Variants in TOX observed in about 807,000 individuals in gnomAD.
The protein encoded by TOX is thymocyte selection-associated high mobility group box protein TOX.
In TOX, 11 loss-of-function variants were observed where a neutral mutation model predicts 53.7. That is an observed-to-expected ratio of 0.20 (90% CI 0.13 to 0.34). The LOEUF (loss-of-function observed/expected upper bound fraction) is 0.34, where lower values mean the gene tolerates loss of function less well. TOX is among the 10% of genes least tolerant of loss of function. The pLI, the probability that TOX is intolerant of heterozygous loss-of-function variation, is 1.00. For synonymous variants in TOX, 225 were observed against 245.3 expected (o/e 0.92, Z 0.77); for missense variants, 570 against 664.6 (o/e 0.86, Z 1.56).
intron 1 of TOX, among the ~76,000 whole-genome samples, chr8:58,985,615 A>C (rs1032388923): frequency 1.2e-4 from 18 of 152,228 alleles, no homozygotes; most frequent in Admixed American, 4.6e-4. Flanking sequence ...TTGCACACTT[A>C]AAGTGGTTAG....
intron 3 of TOX, among the ~76,000 whole-genome samples, chr8:58,887,073 A>C (rs966513429): frequency 1.3e-5 from 2 of 151,942 alleles, no homozygotes; most frequent in Non-Finnish European, 2.9e-5. Flanking sequence ...TGAGTGTGGA[A>C]TTTTGTCAGA....
At chr8:58,921,208 T>C (rs1405211178) in intron 3 of TOX, among the ~76,000 whole-genome samples, 1 of 152,240 alleles carries the variant, frequency 6.6e-6, no homozygotes, top group African/African-American at 2.4e-5. Flanking sequence ...ATTTCATTCA[T>C]TAAAAGTTGT....
intron 1 of TOX, among the ~76,000 whole-genome samples, chr8:59,019,143 CT>C (rs1364540229): frequency 6.6e-6 from 1 of 152,104 alleles, no homozygotes; most frequent in Non-Finnish European, 1.5e-5. Context: ...TTCGTTAATA[CT>C]CAACATTCAT....
chr8:58,946,460 A>T (rs1323070304), intron 2 of TOX, among the ~76,000 whole-genome samples: 1 of 152,130 alleles, frequency 6.6e-6, no homozygotes, highest in Non-Finnish European at 1.5e-5. Flanking sequence ...TGGGACTATA[A>T]TGTATTACTG....
chr8:58,847,721 A>G (rs1416146718), intron 4 of TOX, among the ~76,000 whole-genome samples: 1 of 152,146 alleles, frequency 6.6e-6, no homozygotes, highest in Non-Finnish European at 1.5e-5. Flanking sequence ...GCTGCAGGAC[A>G]CCAAAGACAA....
intron 3 of TOX, among the ~76,000 whole-genome samples, chr8:58,891,799 T>C (rs77252221): frequency 0.057 from 8,712 of 152,242 alleles, 310 homozygotes; most frequent in South Asian, 0.091. Flanking sequence ...TCATGTGAGA[T>C]TCATCCTAGA....
chr8:59,049,753 C>T (rs1463299203), intron 1 of TOX, among the ~76,000 whole-genome samples: 1 of 152,246 alleles, frequency 6.6e-6, no homozygotes, highest in African/African-American at 2.4e-5. Flanking sequence ...GCTACTGATA[C>T]CTTTATGAAC....
At chr8:58,944,124 C>T (rs763608377) in intron 2 of TOX, among the ~76,000 whole-genome samples, 2 of 152,178 alleles carry the variant, frequency 1.3e-5, no homozygotes, top group Admixed American at 6.5e-5. Context: ...ACAAGAGAGT[C>T]GCGAGGTGTT....
chr8:59,071,720 C>G (rs1168568011), intron 1 of TOX, among the ~76,000 whole-genome samples: 2 of 152,108 alleles, frequency 1.3e-5, no homozygotes, highest in African/African-American at 2.4e-5. Flanking sequence ...TAGATTTTGA[C>G]TGAATGTGAC....
At chr8:58,883,998 T>C (rs62505129) in intron 3 of TOX, among the ~76,000 whole-genome samples, 6,107 of 152,198 alleles carry the variant, frequency 0.04, 164 homozygotes, top group Non-Finnish European at 0.061. Context: ...GTCAAATGTC[T>C]GACACTGAAC....
intron 1 of TOX, among the ~76,000 whole-genome samples, chr8:59,004,146 A>G (rs1813745012): frequency 6.6e-6 from 1 of 152,236 alleles, no homozygotes. Flanking sequence ...CCTGTAAATC[A>G]TCAAAGAGAA....
At chr8:58,945,087 G>A (rs1490953047) in intron 2 of TOX, among the ~76,000 whole-genome samples, 1 of 152,214 alleles carries the variant, frequency 6.6e-6, no homozygotes, top group Non-Finnish European at 1.5e-5. Flanking sequence ...ATTACTGCAT[G>A]TGCAGAGGCC....
At chr8:58,898,242 TAATC>T (rs1274183850) in intron 3 of TOX, among the ~76,000 whole-genome samples, 2 of 152,226 alleles carry the variant, frequency 1.3e-5, no homozygotes, top group Non-Finnish European at 2.9e-5. Flanking sequence ...AACTCATTGT[TAATC>T]AAATCAGTCA....
At chr8:59,029,175 A>G (rs1039522742) in intron 1 of TOX, among the ~76,000 whole-genome samples, 1 of 151,796 alleles carries the variant, frequency 6.6e-6, no homozygotes, top group Admixed American at 6.6e-5. Flanking sequence ...TTTCCTATAC[A>G]CTCTCATTTA....
intron 1 of TOX, among the ~76,000 whole-genome samples, chr8:59,040,057 C>T (rs1339724387): frequency 6.6e-6 from 1 of 152,148 alleles, no homozygotes; most frequent in South Asian, 2.1e-4. Flanking sequence ...CGGCCGGGCG[C>T]GGCGGCTCAC....
chr8:58,991,809 G>A (rs1188966933), intron 1 of TOX: 2 of 152,392 alleles, frequency 1.3e-5, no homozygotes, highest in Non-Finnish European at 2.9e-5. Flanking sequence ...ACATGTTGAT[G>A]TTACAAACAC....
intron 7 of TOX, among the ~76,000 whole-genome samples, chr8:58,809,006 T>C (rs1430317800): frequency 1.3e-5 from 2 of 152,240 alleles, no homozygotes; most frequent in African/African-American, 4.8e-5. Context: ...GGTGAAGTGT[T>C]GACTTTTAAT....
chr8:58,931,233 C>T (rs1812248443), intron 3 of TOX, among the ~76,000 whole-genome samples: 1 of 151,914 alleles, frequency 6.6e-6, no homozygotes, highest in African/African-American at 2.4e-5. Flanking sequence ...CACGTAGAGG[C>T]AGAGAATAAT....
intron 5 of TOX, among the ~76,000 whole-genome samples, chr8:58,836,684 A>G (rs1810551927): frequency 6.6e-6 from 1 of 152,288 alleles, no homozygotes; most frequent in African/African-American, 2.4e-5. Context: ...AGCAAGTTCT[A>G]TGTTTCCTTA....
Sources: allele counts gnomAD v4.1 joint callset (sites outside exome capture counted in the v4.1 genomes callset), GRCh38; gene constraint gnomAD v4.1.1; transcripts MANE v1.5; gene names NCBI Gene and HGNC (gene_info 2026-07-23, HGNC 2026-07-21).